RASA3: variants seen among roughly 807,000 people sequenced by gnomAD.
RASA3 encodes RAS p21 protein activator 3.
In RASA3, 73 loss-of-function variants were observed where a neutral mutation model predicts 110.0. The ratio of observed to expected loss-of-function variants is 0.66; its 90% CI spans 0.55 to 0.81. The LOEUF is 0.81. RASA3 is among the 30% of genes least tolerant of loss of function. The probability of loss-of-function intolerance (pLI) is 0.00; values close to 1 mark genes in which losing one functional copy is unlikely to be tolerated. For synonymous variants in RASA3, 500 were observed against 451.4 expected (o/e 1.11, Z -1.37); for missense variants, 976 against 1,113.2 (o/e 0.88, Z 1.75).
At chr13:114,022,123 C>T (rs1387701286) in intron 8 of RASA3, among the ~76,000 whole-genome samples, 1 of 152,188 alleles carries the variant, frequency 6.6e-6, no homozygotes, top group African/African-American at 2.4e-5. Flanking sequence ...CCATGCACAC[C>T]ACAGCGGGGG....
intron 3 of RASA3, among the ~76,000 whole-genome samples, chr13:114,044,915 G>A (rs950158997): frequency 6.6e-6 from 1 of 152,022 alleles, no homozygotes; most frequent in Non-Finnish European, 1.5e-5. Flanking sequence ...CTTGTAACTG[G>A]CACATGATTA....
chr13:114,052,565 C>T (rs2079162589), intron 2 of RASA3, among the ~76,000 whole-genome samples: 1 of 152,188 alleles, frequency 6.6e-6, no homozygotes, highest in African/African-American at 2.4e-5. Context: ...CACTCCAGTG[C>T]CTTGGACCGC....
chr13:114,023,502 A>G (rs764275660), intron 8 of RASA3, among the ~76,000 whole-genome samples: 37 of 152,238 alleles, frequency 2.4e-4, no homozygotes, highest in Non-Finnish European at 5.0e-4. Flanking sequence ...TTGGTACAGA[A>G]GGAACAGAGG....
chr13:114,131,099 C>T (rs1050690984), intron 1 of RASA3, among the ~76,000 whole-genome samples: 2 of 152,260 alleles, frequency 1.3e-5, no homozygotes, highest in Non-Finnish European at 2.9e-5. Flanking sequence ...CACATCCTAG[C>T]TGCAGCGCTT....
intron 18 of RASA3, among the ~76,000 whole-genome samples, chr13:114,001,401 A>G (rs2053393783): frequency 6.9e-6 from 1 of 144,486 alleles, no homozygotes; most frequent in Non-Finnish European, 1.5e-5. Flanking sequence ...CAGGGCGGGC[A>G]GTGGACGCTC....
At chr13:114,020,544 G>C (rs2053904126) in intron 9 of RASA3, among the ~76,000 whole-genome samples, 1 of 152,220 alleles carries the variant, frequency 6.6e-6, no homozygotes, top group Non-Finnish European at 1.5e-5. Flanking sequence ...GGGACACATG[G>C]GGTGCGAGGC....
At chr13:114,012,500 C>G (rs1362066892) in intron 15 of RASA3, among the ~76,000 whole-genome samples, 1 of 148,516 alleles carries the variant, frequency 6.7e-6, no homozygotes, top group Admixed American at 6.7e-5. Flanking sequence ...TCCCCACTCA[C>G]TCATTACACA....
Position 113,979,187 on chromosome 13 carries a change from G to A in RASA3, c.*160C>T, listed in dbSNP as rs2052847315. 1.5e-6 allele frequency: 1 copy of A among 667,700 alleles called. No individual in the cohort carries two copies. Among genetic ancestry groups the A allele is most frequent in the Non-Finnish European group, 2.6e-6 (1 of 383,792 alleles). 41.4% of individuals were successfully genotyped at this position (667,700 alleles called of 1,614,324 possible). A position where few individuals can be genotyped will look rare whatever the true frequency, so the allele number is the denominator to read the frequency against. On this transcript the variant is annotated 3_prime_UTR_variant, in exon 24 of 24. Coordinates refer to ENST00000334062, the MANE Select transcript of RASA3 (RefSeq NM_007368.4). Reference sequence around the variant, plus strand: ...TGCGGAGGGCGTGGCGGTGGTGGCAGCGGTTCTGGGAGAGGGAAACCCCAG... The same window carrying A: ...TGCGGAGGGCGTGGCGGTGGTGGCAACGGTTCTGGGAGAGGGAAACCCCAG...
At chr13:114,076,163 G>A (rs2079678526) in intron 1 of RASA3, among the ~76,000 whole-genome samples, 1 of 152,196 alleles carries the variant, frequency 6.6e-6, no homozygotes, top group South Asian at 2.1e-4. Flanking sequence ...AACTGCAAAA[G>A]CAAGAGACAC....
At chr13:114,093,446 C>G (rs149339636) in intron 1 of RASA3, among the ~76,000 whole-genome samples, 338 of 152,306 alleles carry the variant, frequency 2.2e-3, no homozygotes, top group African/African-American at 8.0e-3. Flanking sequence ...ATTGGATCTC[C>G]CCAAAATGTT....
At chr13:113,992,235 A>C (rs1170632241) in intron 22 of RASA3, among the ~76,000 whole-genome samples, 3 of 152,272 alleles carry the variant, frequency 2.0e-5, no homozygotes, top group Non-Finnish European at 4.4e-5. Context: ...ACTTGGCAGT[A>C]CAGAGGTTAC....
At chr13:113,990,463 G>A (rs2053081867) in intron 22 of RASA3, among the ~76,000 whole-genome samples, 1 of 152,138 alleles carries the variant, frequency 6.6e-6, no homozygotes, top group Admixed American at 6.5e-5. Flanking sequence ...TCAGAACCTG[G>A]GTCTTGTGTG....
intron 4 of RASA3, among the ~76,000 whole-genome samples, chr13:114,037,644 A>G (rs2139440230): frequency 6.6e-6 from 1 of 152,348 alleles, no homozygotes; most frequent in African/African-American, 2.4e-5. Context: ...ACTGAATTGG[A>G]CATTTTAAAT....
intron 8 of RASA3, 80 bp downstream of exon 8, chr13:114,024,198 TA>T (rs1364217129): frequency 1.4e-5 from 18 of 1,292,160 alleles, no homozygotes; most frequent in Non-Finnish European, 1.9e-5. Flanking sequence ...TATGACCCTA[TA>T]TTTAGTAACA....
chr13:114,100,725 G>A (rs545132424), intron 1 of RASA3, among the ~76,000 whole-genome samples: 46 of 152,266 alleles, frequency 3.0e-4, no homozygotes, highest in Non-Finnish European at 4.6e-4. Flanking sequence ...TCTGCTGCCC[G>A]GACCTGTTTA....
intron 3 of RASA3, among the ~76,000 whole-genome samples, chr13:114,050,960 G>A (rs1026097393): frequency 3.9e-5 from 6 of 152,254 alleles, no homozygotes; most frequent in African/African-American, 1.4e-4. Flanking sequence ...GCCCACAGCT[G>A]AGGGACACAG....
intron 22 of RASA3, among the ~76,000 whole-genome samples, chr13:113,990,595 T>C (rs2053085242): frequency 6.6e-6 from 1 of 152,248 alleles, no homozygotes; most frequent in Admixed American, 6.5e-5. Context: ...CCCTGAGGCC[T>C]TGTGCCATCT....
At chr13:114,082,430 A>T (rs531483213) in intron 1 of RASA3, among the ~76,000 whole-genome samples, 1 of 152,378 alleles carries the variant, frequency 6.6e-6, no homozygotes, top group Non-Finnish European at 1.5e-5. Flanking sequence ...CAATGCTGAC[A>T]TCTGCCTCGG....
At chr13:114,090,313 T>C (rs755622274) in intron 1 of RASA3, among the ~76,000 whole-genome samples, 3 of 152,258 alleles carry the variant, frequency 2.0e-5, no homozygotes, top group Non-Finnish European at 2.9e-5. Flanking sequence ...TTTTTGGTTA[T>C]ATATTTGCTT....
Sources: allele counts gnomAD v4.1 joint callset (sites outside exome capture counted in the v4.1 genomes callset), GRCh38; gene constraint gnomAD v4.1.1; transcripts MANE v1.5; gene names NCBI Gene and HGNC (gene_info 2026-07-23, HGNC 2026-07-21).